The following UBXN10 variants were observed in gnomAD, a reference collection of about 807,000 sequenced individuals.
UBXN10 encodes UBX domain-containing protein 10.
A neutral mutation model predicts 6.9 loss-of-function variants in UBXN10; 6 were observed. The observed-to-expected ratio is 0.87, with a 90% CI of 0.48 to 1.72. The LOEUF (loss-of-function observed/expected upper bound fraction) is 1.72. UBXN10 is among the 40% of genes most tolerant of loss of function. The pLI is 0.01. For missense variants in UBXN10, 317 were observed against 348.4 expected, an observed-to-expected ratio of 0.91 and a Z score of 0.72; for synonymous variants, 131 against 135.2, an observed-to-expected ratio of 0.97 and a Z score of 0.21.
In UBXN10 at chr1:20,191,719, C is replaced by T. The variant is rs1171600196; in HGVS notation, c.*315C>T. The T allele has an allele frequency of 3.3e-6, 1 of 304,462 alleles. No individual in the cohort carries two copies. The highest frequency in any genetic ancestry group is 2.1e-5 in the African/African-American group (1 of 46,512). The allele number at this position is 304,462 out of a possible 1,614,324, so 18.9% of individuals were successfully genotyped here. A position where few individuals can be genotyped will look rare whatever the true frequency, so the allele number is the denominator to read the frequency against. ...TTTTGGGTCCTTCTGAATTAATGGT[C>T]CTTTTCGAACACCGGCTTGCCTTTA... is the stretch of plus-strand genomic sequence containing the variant. On this transcript the variant is annotated 3_prime_UTR_variant, in exon 2 of 2. Coordinates refer to ENST00000375099, the MANE Select transcript of UBXN10 (RefSeq NM_152376.5). This position sits in a 1 kb window ranked among gnomAD's most constrained non-coding sequence, Gnocchi z 4.5.
rs765115521 is a variant in UBXN10, at chr1:20,191,148, A to G, written c.587A>G (p.Glu196Gly). The G allele has an allele frequency of 6.2e-7, 1 of 1,614,198 alleles. No individual in the cohort carries two copies. Among genetic ancestry groups the G allele is most frequent in the Non-Finnish European group, 8.5e-7 (1 of 1,180,026 alleles). Residue 196 changes from glutamate (E) to glycine (G), a missense_variant, in exon 2 of 2, where the codon GAA becomes GGA. Physicochemically the swap from Glu to Gly is moderately conservative, Grantham distance 98 (BLOSUM62 -2). Transcript: ENST00000375099. The surrounding 1 kb of genome is among the most constrained non-coding windows in gnomAD (Gnocchi z 4.5). ...AGNLEEPSDQ[E>G]PRLLLAVRSP... is the part of the protein sequence containing the mutation. ...AATCTGGAGGAACCATCGGACCAAG[A>G]ACCAAGGTTGCTGCTTGCTGTTAGA...
chr1:20,191,624 A>C lies in UBXN10; in HGVS notation c.*220A>C. 1.7e-6 allele frequency: 1 copy of C among 599,848 alleles called. No homozygotes were observed. The highest frequency in any genetic ancestry group is 2.8e-6 in the Non-Finnish European group (1 of 362,060). The allele number at this position is 599,848 out of a possible 1,614,324, so 37.2% of individuals were successfully genotyped here. ...TTCCAGCTGTTCCATTCTCTCCACC[A>C]CCAGCGTAACTGGCAAGTTACCAAG... On this transcript the variant is annotated 3_prime_UTR_variant, in exon 2 of 2. Coordinates refer to ENST00000375099, the MANE Select transcript of UBXN10 (RefSeq NM_152376.5). This position sits in a 1 kb window ranked among gnomAD's most constrained non-coding sequence, Gnocchi z 4.5.
chr1:20,190,317 C>T (rs2018468735), intron 1 of UBXN10, among the ~76,000 whole-genome samples: 1 of 152,110 alleles, frequency 6.6e-6, no homozygotes, highest in Non-Finnish European at 1.5e-5. Flanking sequence ...GTTTTAACCC[C>T]TGTCTTTCCT....
At position 20,192,225 on chromosome 1, in the gene UBXN10, A is replaced by G. The variant is rs1476358974; in HGVS notation, c.*821A>G. 6.0e-6 allele frequency: 1 copy of G among 167,060 alleles called. No homozygotes were observed. Among genetic ancestry groups the G allele is most frequent in the South Asian group, 2.1e-4 (1 of 4,818 alleles). The allele number at this position is 167,060 out of a possible 1,614,324, so 10.3% of individuals were successfully genotyped here. On this transcript the variant is annotated 3_prime_UTR_variant, in exon 2 of 2. Transcript: ENST00000375099. ...ATGGAATCTTTTGTTTTTAAAATGTACAAACCTATAAGTTTAAACAGGTTT... is the reference window on the plus strand; with the variant it reads ...ATGGAATCTTTTGTTTTTAAAATGTGCAAACCTATAAGTTTAAACAGGTTT...
At chr1:20,183,549 G>A (rs569917802), upstream of UBXN10, among the ~76,000 whole-genome samples, 18 of 152,362 alleles carry the variant, frequency 1.2e-4, no homozygotes, top group African/African-American at 3.8e-4. Context: ...ATTAAGGAGC[G>A]TTGTGAAGAT....
intron 1 of UBXN10, among the ~76,000 whole-genome samples, chr1:20,189,612 G>T (rs1017652032): frequency 6.6e-6 from 1 of 152,134 alleles, no homozygotes; most frequent in Non-Finnish European, 1.5e-5. Context: ...ACAGAAGTCT[G>T]AACAGCTCGG....
rs550152573 is a variant in UBXN10 at position 20,193,964 on chromosome 1, C to T, written c.*2560C>T. 2.4e-5 allele frequency: 4 copies of T among 167,134 alleles called. No homozygotes were observed. Among genetic ancestry groups the T allele is most frequent in the African/African-American group, 9.6e-5 (4 of 41,524 alleles). The allele number at this position is 167,134 out of a possible 1,614,324, so 10.4% of individuals were successfully genotyped here. A position where few individuals can be genotyped will look rare whatever the true frequency, so the allele number is the denominator to read the frequency against. ...CATAGACCTCAGTTATTCATTTAAC[C>T]GATGGCCATTGAGGGCTTACCCAGT... On this transcript the variant is annotated 3_prime_UTR_variant, in exon 2 of 2. Coordinates refer to ENST00000375099, the MANE Select transcript of UBXN10 (RefSeq NM_152376.5).
chr1:20,184,138 A>G (rs2018321839), upstream of UBXN10: 2 of 152,278 alleles, frequency 1.3e-5, no homozygotes, highest in African/African-American at 4.8e-5. Flanking sequence ...TGTACTGCTG[A>G]CATTAAACAG....
At chr1:20,189,067 A>T (rs1318424922) in intron 1 of UBXN10, among the ~76,000 whole-genome samples, 1 of 152,110 alleles carries the variant, frequency 6.6e-6, no homozygotes, top group Non-Finnish European at 1.5e-5. Flanking sequence ...AATTTGATAG[A>T]TGAGGAAAGT....
Position 20,190,706 on chromosome 1 carries a change from AGTCT to A in UBXN10, c.147_150del (p.Leu50ArgfsTer92). 1 of 1,613,608 alleles carries A rather than the reference AGTCT, an allele frequency of 6.2e-7. No homozygotes were observed. The highest frequency in any genetic ancestry group is 8.5e-7 in the Non-Finnish European group (1 of 1,179,966). On this transcript the variant is annotated frameshift_variant, in exon 2 of 2. Coordinates refer to ENST00000375099, the MANE Select transcript of UBXN10 (RefSeq NM_152376.5). LOFTEE classifies it low-confidence loss of function (END_TRUNC). ...GTCCGCCAAGGGACGGACAAGACCG[AGTCT>A]GCAGAAATCCCAGGGCGTGGAGGTG...
rs1224274074 is a variant in UBXN10, at chr1:20,191,273, C to T, written c.712C>T (p.His238Tyr). The T allele has an allele frequency of 1.2e-6, 2 of 1,614,234 alleles. No homozygotes were observed. The highest frequency in any genetic ancestry group is 1.7e-5 in the Admixed American group (1 of 60,024). Residue 238 changes from histidine to tyrosine, a missense_variant, in exon 2 of 2, where the codon CAC becomes TAC. Physicochemically the swap from His to Tyr is moderately conservative, Grantham distance 83. Transcript: ENST00000375099. The surrounding 1 kb of genome is among the most constrained non-coding windows in gnomAD (Gnocchi z 4.5). ...AEQKNKTSYR[H>Y]CSIETMEVPR... ...ACAGAAAAACAAAACCTCCTACCGA[C>T]ACTGCAGCATTGAAACAATGGAGGT...
chr1:20,191,639 A>G lies in UBXN10; in HGVS notation c.*235A>G, dbSNP rs774627378. On this transcript the variant is annotated 3_prime_UTR_variant, in exon 2 of 2. Transcript: ENST00000375099. The surrounding 1 kb of genome is among the most constrained non-coding windows in gnomAD (Gnocchi z 4.5). ...TCTCTCCACCACCAGCGTAACTGGC[A>G]AGTTACCAAGGTTGTTCCTGAAACA... 12 of 537,514 alleles carry G rather than the reference A, an allele frequency of 2.2e-5. No individual in the cohort carries two copies. Among genetic ancestry groups the G allele is most frequent in the Non-Finnish European group, 3.8e-5 (12 of 311,796 alleles). The allele number at this position is 537,514 out of a possible 1,614,324, so 33.3% of individuals were successfully genotyped here. A position where few individuals can be genotyped will look rare whatever the true frequency, so the allele number is the denominator to read the frequency against.
chr1:20,185,984 C>T (rs1173761083), upstream of UBXN10: 1 of 152,364 alleles, frequency 6.6e-6, no homozygotes, highest in African/African-American at 2.4e-5. Context: ...CTCCGCCCTC[C>T]TGGCCCAGCG....
chr1:20,190,816 C>T lies in UBXN10; in HGVS notation c.255C>T (p.Pro85=), dbSNP rs913202579. 4 of 1,613,874 alleles carry T rather than the reference C, an allele frequency of 2.5e-6. No homozygotes were observed. The highest frequency in any genetic ancestry group is 3.4e-6 in the Non-Finnish European group (4 of 1,180,048). ...GCCAAAAACCAGGAGCCTGTGCACC[C>T]AAATCTCCAAACCAGGGAGCTTCTG... The part of the protein sequence containing the change: ...PSSQKPGACA[P]KSPNQGASDE... Residue 85 remains proline (P), a synonymous_variant, in exon 2 of 2, where the codon CCC becomes CCT. Transcript: ENST00000375099.
At chr1:20,184,036 C>T (rs764679500), upstream of UBXN10, among the ~76,000 whole-genome samples, 3 of 152,214 alleles carry the variant, frequency 2.0e-5, no homozygotes, top group Non-Finnish European at 4.4e-5. Context: ...AATGGACTGG[C>T]GCCTTCCTTT....
At chr1:20,188,920 T>G (rs1207759178) in intron 1 of UBXN10, among the ~76,000 whole-genome samples, 1 of 152,164 alleles carries the variant, frequency 6.6e-6, no homozygotes, top group African/African-American at 2.4e-5. Context: ...CGCTTAACAT[T>G]TAATTAAGTT....
Position 20,190,852 on chromosome 1 carries a change from T to C in UBXN10, c.291T>C (p.Pro97=), listed in dbSNP as rs749137333. 1.1e-5 allele frequency: 17 copies of C among 1,614,034 alleles called. No individual in the cohort carries two copies. Among genetic ancestry groups the C allele is most frequent in the Non-Finnish European group, 1.2e-5 (14 of 1,180,024 alleles). ...SPNQGASDEI[P]ELQQQVPTGA... ...ACCAGGGAGCTTCTGATGAGATCCC[T>C]GAGCTGCAGCAGCAAGTACCCACTG... Residue 97 remains proline, a synonymous_variant, in exon 2 of 2, where the codon CCT becomes CCC. Coordinates refer to ENST00000375099, the MANE Select transcript of UBXN10 (RefSeq NM_152376.5).
chr1:20,188,156 G>A (rs1274641594), intron 1 of UBXN10, among the ~76,000 whole-genome samples: 3 of 152,170 alleles, frequency 2.0e-5, no homozygotes, highest in African/African-American at 7.2e-5. Context: ...GACTAAAGGG[G>A]GAAAAACACA....
intron 1 of UBXN10, among the ~76,000 whole-genome samples, chr1:20,186,720 A>G (rs2018403146): frequency 6.6e-6 from 1 of 152,112 alleles, no homozygotes; most frequent in South Asian, 2.1e-4. Flanking sequence ...CTATCCAAAC[A>G]TTTGATCACT....
Sources: gnomAD v4.1 joint callset for allele counts (sites outside exome capture counted in the v4.1 genomes callset) on GRCh38, gnomAD v4.1.1 for gene constraint, Gnocchi (gnomAD v3.1) non-coding constraint, MANE v1.5 for transcripts, NCBI Gene and HGNC (gene_info 2026-07-23, HGNC 2026-07-21) for gene names.